Variants in MFSD11 observed in about 807,000 individuals in gnomAD.
The protein encoded by MFSD11 is major facilitator superfamily domain containing 11.
Under a neutral mutation model 53.5 loss-of-function variants are expected in MFSD11, and 36 were observed. The observed-to-expected ratio is 0.67, with a 90% CI of 0.52 to 0.89. MFSD11 has a LOEUF of 0.89. Among genes scored for constraint, MFSD11 ranks in the 40% least tolerant of loss-of-function variants. MFSD11 has a pLI of 0.00. For missense variants in MFSD11, 530 were observed against 543.9 expected (o/e 0.97, Z 0.25); for synonymous variants, 186 against 184.9 (o/e 1.01, Z -0.05).
At chr17:76,763,256 G>GT (rs1346990025) in intron 8 of MFSD11, among the ~76,000 whole-genome samples, 3 of 151,040 alleles carry the variant, frequency 2.0e-5, no homozygotes, top group Non-Finnish European at 4.4e-5. Context: ...GTTATTTTCT[G>GT]TTTTTTTGTT....
chr17:76,746,027 C>G (rs2078514447), intron 7 of MFSD11, among the ~76,000 whole-genome samples: 1 of 152,064 alleles, frequency 6.6e-6, no homozygotes, highest in Non-Finnish European at 1.5e-5. Context: ...CTGAGACAGG[C>G]TGAAAGCTAT....
intron 8 of MFSD11, among the ~76,000 whole-genome samples, chr17:76,765,242 C>T (rs1393327414): frequency 2.0e-5 from 3 of 152,020 alleles, no homozygotes; most frequent in Admixed American, 6.6e-5. Context: ...GTTGTAGTCA[C>T]GCCATTTGCT....
chr17:76,791,539 A>G, the MFSD11 span, among the ~76,000 whole-genome samples: 7,059 of 148,786 alleles, frequency 0.047, 1,050 homozygotes, highest in African/African-American at 0.17. Flanking sequence ...GAAAAAACAG[A>G]TGTTTTCTTC....
intron 8 of MFSD11, among the ~76,000 whole-genome samples, chr17:76,758,878 T>C (rs961437683): frequency 1.3e-5 from 2 of 152,090 alleles, no homozygotes; most frequent in Admixed American, 1.3e-4. Context: ...CACATATAAC[T>C]TTTGACTCCC....
upstream of MFSD11, chr17:76,737,406 C>T (rs1349151774): frequency 1.0e-5 from 5 of 483,808 alleles, no homozygotes; most frequent in African/African-American, 2.0e-5. Flanking sequence ...GGAAATGAAA[C>T]CTTCTGATTG....
chr17:76,798,167 T>C, the MFSD11 span, among the ~76,000 whole-genome samples: 63 of 152,154 alleles, frequency 4.1e-4, no homozygotes, highest in African/African-American at 1.5e-3. Flanking sequence ...GGATTACACG[T>C]CGGAGCCACC....
upstream of MFSD11, chr17:76,737,981 C>G (rs1055938787): frequency 1.4e-5 from 4 of 279,722 alleles, no homozygotes; most frequent in Non-Finnish European, 2.7e-5. Flanking sequence ...GGTCAGGTGA[C>G]CCGGTCGCCT....
the MFSD11 span, among the ~76,000 whole-genome samples, chr17:76,800,353 A>C: frequency 6.6e-6 from 1 of 152,196 alleles, no homozygotes; most frequent in Admixed American, 6.6e-5. Flanking sequence ...GGAGGTAAAA[A>C]GTCCAAAAGC....
the MFSD11 span, among the ~76,000 whole-genome samples, chr17:76,798,051 T>C: frequency 6.6e-6 from 1 of 151,178 alleles, no homozygotes; most frequent in Non-Finnish European, 1.5e-5. Context: ...GCCCGGTTAA[T>C]GTTTTAAATA....
At chr17:76,777,319 G>A (rs1005666267) in intron 12 of MFSD11, among the ~76,000 whole-genome samples, 8 of 151,900 alleles carry the variant, frequency 5.3e-5, no homozygotes, top group African/African-American at 1.9e-4. Context: ...AGACTGGAGT[G>A]CAGTGGCACG....
rs547842679 is a variant in MFSD11 at position 76,755,884 on chromosome 17, T to C, written c.682+1797T>C. ...TGTGGCCCAGGCTGGAATGCAATGGTGCGATCTCAGCTCACCACAACCTCC... is the reference window on the plus strand; with the variant it reads ...TGTGGCCCAGGCTGGAATGCAATGGCGCGATCTCAGCTCACCACAACCTCC... On this transcript the variant is annotated intron_variant, in intron 8 of 12. Coordinates refer to ENST00000685175, the MANE Select transcript of MFSD11 (RefSeq NM_001242532.5). Among the ~76,000 whole-genome samples, 111 of 135,472 alleles carry C rather than the reference T, an allele frequency of 8.2e-4. No individual in the cohort carries two copies. In the South Asian group the frequency reaches 0.015, roughly 18 times the overall value. The allele number at this position is 135,472 out of a possible 152,430, so 88.9% of individuals were successfully genotyped here. A position where few individuals can be genotyped will look rare whatever the true frequency, so the allele number is the denominator to read the frequency against.
rs77026620 is a variant in MFSD11, at chr17:76,744,383, A to G, written c.558A>G (p.Leu186=). ...LTVISLVGTV[L]FFLIRKPDSE... ...TGATTAGCCTTGTGGGGACAGTTCT[A>G]TTCTTTCTCATTCGGAAACCAGATT... is the stretch of plus-strand genomic sequence containing the variant. Residue 186 remains leucine (L), a synonymous_variant, in exon 7 of 13, where the codon CTA becomes CTG. Coordinates refer to ENST00000685175, the MANE Select transcript of MFSD11 (RefSeq NM_001242532.5). 1.4e-3 allele frequency: 2,321 copies of G among 1,614,044 alleles called. 11 individuals carry two copies. In the South Asian group the frequency reaches 0.016, roughly 11 times the overall value.
the MFSD11 span, among the ~76,000 whole-genome samples, chr17:76,792,743 G>C: frequency 3.3e-5 from 5 of 151,440 alleles, no homozygotes; most frequent in African/African-American, 4.9e-5. Context: ...AGCTGAATGG[G>C]CCCAATATAA....
intron 7 of MFSD11, among the ~76,000 whole-genome samples, chr17:76,745,216 T>C (rs1215318747): frequency 2.0e-5 from 3 of 152,250 alleles, no homozygotes; most frequent in Non-Finnish European, 2.9e-5. Flanking sequence ...GTTAAAACTT[T>C]CGCATTGAGC....
intron 7 of MFSD11, among the ~76,000 whole-genome samples, chr17:76,748,712 C>G (rs1228279291): frequency 2.2e-5 from 1 of 44,584 alleles, no homozygotes. Context: ...TCCTCTATCT[C>G]AAGTGCGTAA....
rs539697833 is a variant in MFSD11 at position 76,762,811 on chromosome 17, T to C, written c.683-4575T>C. Among the ~76,000 whole-genome samples the C allele has an allele frequency of 6.6e-4, 100 of 151,638 alleles. 1 individual carries two copies. The highest frequency in any genetic ancestry group is 2.3e-3 in the African/African-American group (95 of 41,316). ...AAAGCAATTAAGCACCGGCGGGAAA[T>C]CAAAGGTTAGCCTTAGGACCACAAG... On this transcript the variant is annotated intron_variant, in intron 8 of 12. Coordinates refer to ENST00000685175, the MANE Select transcript of MFSD11 (RefSeq NM_001242532.5).
chr17:76,777,969 T>G (rs1356157338), intron 12 of MFSD11, among the ~76,000 whole-genome samples: 1 of 152,168 alleles, frequency 6.6e-6, no homozygotes, highest in Non-Finnish European at 1.5e-5. Flanking sequence ...CCCCCACACC[T>G]GGCCAAAATG....
rs764192309 is a variant in MFSD11, at chr17:76,754,016, A to G, written c.642-31A>G. 1.6e-5 allele frequency: 25 copies of G among 1,580,834 alleles called. 1 individual carries two copies. In the South Asian group the frequency reaches 2.9e-4, roughly 18 times the overall value. On this transcript the variant is annotated intron_variant, in intron 7 of 12. Coordinates refer to ENST00000685175, the MANE Select transcript of MFSD11 (RefSeq NM_001242532.5). The stretch of plus-strand genomic sequence containing the variant: ...TTTGTTCTTTTATTTTCAAAAAGAA[A>G]AAACTTATTTTTTACATTTTATTTT...
At chr17:76,793,551 C>T in the MFSD11 span, among the ~76,000 whole-genome samples, 11 of 151,264 alleles carry the variant, frequency 7.3e-5, no homozygotes, top group South Asian at 6.2e-4. Context: ...GCAGTTAACG[C>T]AATCATCACG....
Sources: allele counts gnomAD v4.1 joint callset (sites outside exome capture counted in the v4.1 genomes callset), GRCh38; gene constraint gnomAD v4.1.1; transcripts MANE v1.5; gene names NCBI Gene and HGNC (gene_info 2026-07-23, HGNC 2026-07-21).